Variants in DDC observed in about 807,000 individuals in gnomAD.
DDC encodes aromatic-L-amino-acid decarboxylase.
In DDC, 43 loss-of-function variants were observed where a neutral mutation model predicts 60.0. The ratio of observed to expected loss-of-function variants is 0.72; its 90% CI spans 0.56 to 0.92. DDC has a LOEUF of 0.92. DDC is among the 40% of genes least tolerant of loss of function. The pLI, the probability that DDC is intolerant of heterozygous loss-of-function variation, is 0.00. For synonymous variants in DDC, 232 were observed against 234.6 expected (o/e 0.99, Z 0.10); for missense variants, 573 against 620.2 (o/e 0.92, Z 0.81).
intron 9 of DDC, among the ~76,000 whole-genome samples, chr7:50,483,595 CATT>C (rs1030439835): frequency 3.9e-5 from 6 of 152,048 alleles, no homozygotes; most frequent in African/African-American, 1.4e-4. Context: ...TTAGGATACT[CATT>C]ATTTAAGAAT....
chr7:50,514,653 A>C (rs1277283248), intron 6 of DDC, among the ~76,000 whole-genome samples: 1 of 152,242 alleles, frequency 6.6e-6, no homozygotes, highest in Non-Finnish European at 1.5e-5. Context: ...AAACTTCAGG[A>C]AACTTTGGAC....
chr7:50,529,125 G>C (rs2044123539), intron 5 of DDC, 83 bp downstream of exon 5: 13 of 1,552,508 alleles, frequency 8.4e-6, no homozygotes, highest in Non-Finnish European at 9.8e-6. Context: ...TTGGAAGGAT[G>C]CTGTTTGGTT....
intron 4 of DDC, among the ~76,000 whole-genome samples, chr7:50,535,221 G>A (rs1377039952): frequency 6.6e-6 from 1 of 151,824 alleles, no homozygotes; most frequent in East Asian, 1.9e-4. Flanking sequence ...CAATGGCAAG[G>A]TCTTGGCTCA....
chr7:50,562,405 C>A (rs950006779), intron 1 of DDC, among the ~76,000 whole-genome samples: 1 of 152,154 alleles, frequency 6.6e-6, no homozygotes, highest in African/African-American at 2.4e-5. Flanking sequence ...CCAGGGGGAG[C>A]CAGAAGCCAG....
At chr7:50,501,715 T>C (rs2043261228) in intron 7 of DDC, among the ~76,000 whole-genome samples, 1 of 152,068 alleles carries the variant, frequency 6.6e-6, no homozygotes, top group African/African-American at 2.4e-5. Flanking sequence ...GGAAAGTAGG[T>C]AAAAGGGTGC....
At chr7:50,536,094 C>T (rs983707699) in intron 4 of DDC, among the ~76,000 whole-genome samples, 9 of 152,204 alleles carry the variant, frequency 5.9e-5, no homozygotes, top group African/African-American at 1.7e-4. Context: ...AGCTACATGC[C>T]TCCCTCATAA....
intron 6 of DDC, among the ~76,000 whole-genome samples, chr7:50,513,894 G>A (rs897631114): frequency 6.6e-6 from 1 of 151,916 alleles, no homozygotes; most frequent in Non-Finnish European, 1.5e-5. Flanking sequence ...ACCCACCCTA[G>A]TAGCGAAAGA....
In DDC at chr7:50,563,777, T is replaced by C. The variant is rs140926844; in HGVS notation, c.-29+1508A>G. Among the ~76,000 whole-genome samples, 67 of 152,286 alleles carry C rather than the reference T, an allele frequency of 4.4e-4. No homozygotes were observed. The East Asian group carries it at 0.011, about 25-fold the overall frequency. On this transcript the variant is annotated intron_variant, in intron 1 of 14. Transcript: ENST00000444124. Reference sequence around the variant, plus strand: ...CCACCACACCTGGCTAATTTTTGTATTTTTATTGGAAATGAGGTCTCACCA... The same window carrying C: ...CCACCACACCTGGCTAATTTTTGTACTTTTATTGGAAATGAGGTCTCACCA...
At chr7:50,467,465 C>T in intron 12 of DDC, 150 bp from the exon 13 acceptor site, 1 of 692,352 alleles carries the variant, frequency 1.4e-6, no homozygotes, top group East Asian at 2.8e-5. Context: ...CACTGACCAG[C>T]TGTTTCCAGG....
chr7:50,463,196 A>G lies in DDC; in HGVS notation c.*18+17T>C. 2 of 1,571,904 alleles carry G rather than the reference A, an allele frequency of 1.3e-6. No homozygotes were observed. Among genetic ancestry groups the G allele is most frequent in the South Asian group, 2.3e-5 (2 of 86,360 alleles). ...GGGACAAGGAGACAGGCAGAAAATGAGCCCAGGGCAGCCTACCTGCAGCTG... is the reference window on the plus strand; with the variant it reads ...GGGACAAGGAGACAGGCAGAAAATGGGCCCAGGGCAGCCTACCTGCAGCTG... On this transcript the variant is annotated intron_variant, in intron 14 of 14. Transcript: ENST00000444124.
intron 4 of DDC, among the ~76,000 whole-genome samples, chr7:50,532,156 T>A (rs1391250465): frequency 6.6e-6 from 1 of 152,172 alleles, no homozygotes; most frequent in African/African-American, 2.4e-5. Flanking sequence ...TCACAGGCTG[T>A]CACCAGGCTC....
At chr7:50,462,820 A>AACG (rs2042310451) in intron 14 of DDC, among the ~76,000 whole-genome samples, 1 of 135,660 alleles carries the variant, frequency 7.4e-6, no homozygotes, top group African/African-American at 3.0e-5. Flanking sequence ...GCCAGGCTGT[A>AACG]ACGCAGTGGC....
At chr7:50,550,242 G>T (rs904371136) in intron 1 of DDC, among the ~76,000 whole-genome samples, 11 of 152,292 alleles carry the variant, frequency 7.2e-5, no homozygotes, top group Middle Eastern at 3.4e-3. Context: ...CCCTGCACCA[G>T]CAAAAAGATT....
intron 1 of DDC, among the ~76,000 whole-genome samples, chr7:50,564,885 G>A (rs1443138863): frequency 6.6e-6 from 1 of 152,102 alleles, no homozygotes; most frequent in African/African-American, 2.4e-5. Context: ...TAAAATCATG[G>A]GATTTAATCC....
At chr7:50,491,462 A>G (rs2042996126) in intron 9 of DDC, among the ~76,000 whole-genome samples, 1 of 152,142 alleles carries the variant, frequency 6.6e-6, no homozygotes, top group South Asian at 2.1e-4. Flanking sequence ...ACCAGACAAA[A>G]CCCCAAGACT....
intron 6 of DDC, among the ~76,000 whole-genome samples, chr7:50,513,830 G>A (rs571590735): frequency 1.3e-5 from 2 of 152,162 alleles, no homozygotes; most frequent in South Asian, 4.1e-4. Flanking sequence ...CCCACCCAAG[G>A]AAAGCCTGAG....
At chr7:50,503,387 C>T (rs1327433045) in intron 7 of DDC, among the ~76,000 whole-genome samples, 1 of 152,220 alleles carries the variant, frequency 6.6e-6, no homozygotes, top group Admixed American at 6.5e-5. Flanking sequence ...TGCTCATTCA[C>T]ATTCACCTTT....
At chr7:50,494,538 C>T (rs1254141510) in intron 9 of DDC, among the ~76,000 whole-genome samples, 1 of 151,320 alleles carries the variant, frequency 6.6e-6, no homozygotes, top group African/African-American at 2.4e-5. Context: ...AGATTTTGAG[C>T]CAAGATCGCA....
chr7:50,528,022 G>A, intron 6 of DDC, 115 bp downstream of exon 6: 1 of 1,240,924 alleles, frequency 8.1e-7, no homozygotes, highest in South Asian at 1.5e-5. Context: ...TCAGCTTCCC[G>A]AGTAGCTGGG....
Sources: gnomAD v4.1 joint callset for allele counts (sites outside exome capture counted in the v4.1 genomes callset) on GRCh38, gnomAD v4.1.1 for gene constraint, MANE v1.5 for transcripts, NCBI Gene and HGNC (gene_info 2026-07-23, HGNC 2026-07-21) for gene names.